Variants in MAOB observed in about 807,000 individuals in gnomAD.
The protein encoded by MAOB is monoamine oxidase B.
Under a neutral mutation model 41.9 loss-of-function variants are expected in MAOB, and 15 were observed. That is an observed-to-expected ratio of 0.36 (90% confidence interval 0.24 to 0.55). MAOB has a LOEUF of 0.55. Ranked by LOEUF, MAOB falls within the 20% of genes least tolerant of loss-of-function variation. The pLI is 0.86. For synonymous variants in MAOB, 167 were observed against 144.2 expected, an observed-to-expected ratio of 1.16 and a Z score of -1.13; for missense variants, 345 against 398.7, an observed-to-expected ratio of 0.87 and a Z score of 1.15.
intron 1 of MAOB, among the ~76,000 whole-genome samples, chrX:43,876,486 T>G (rs2035440432): frequency 9.0e-6 from 1 of 111,160 alleles, no homozygotes; most frequent in Admixed American, 9.6e-5. Context: ...ATGAAAATCA[T>G]CTGTAATTGA....
intron 1 of MAOB, among the ~76,000 whole-genome samples, chrX:43,874,507 T>C (rs1288946401): frequency 8.9e-6 from 1 of 111,801 alleles, no homozygotes; most frequent in Non-Finnish European, 1.9e-5. Context: ...ATCTTTATAG[T>C]ATAAACTGTC....
chrX:43,842,410 C>T (rs1479465089), intron 2 of MAOB, among the ~76,000 whole-genome samples: 2 of 112,278 alleles, frequency 1.8e-5, no homozygotes, highest in Non-Finnish European at 1.9e-5. Context: ...GAAAAATAAT[C>T]AGTGTTGTCA....
chrX:43,844,514 C>A (rs957390046), intron 1 of MAOB: 1 of 111,694 alleles, frequency 9.0e-6, no homozygotes, highest in Admixed American at 9.5e-5. Flanking sequence ...ACCTAGATGG[C>A]AGGTGAAGCA....
intron 12 of MAOB, among the ~76,000 whole-genome samples, chrX:43,771,992 C>T (rs912108058): frequency 8.1e-5 from 9 of 111,428 alleles, no homozygotes; most frequent in Non-Finnish European, 1.5e-4. Flanking sequence ...TGCATAATCA[C>T]GACAATCATT....
At chrX:43,858,903 C>G (rs2035314839) in intron 1 of MAOB, among the ~76,000 whole-genome samples, 1 of 111,844 alleles carries the variant, frequency 8.9e-6, no homozygotes, top group South Asian at 3.7e-4. Context: ...AAAGCCAAAA[C>G]AAGCTGGCAA....
chrX:43,829,294 C>G (rs1178298594), intron 3 of MAOB, among the ~76,000 whole-genome samples: 11 of 112,328 alleles, frequency 9.8e-5, no homozygotes, highest in Admixed American at 7.5e-4. Context: ...GGACTTTTCT[C>G]TGACTGTATG....
chrX:43,842,698 T>C (rs1469788642), intron 2 of MAOB, among the ~76,000 whole-genome samples: 1 of 112,093 alleles, frequency 8.9e-6, no homozygotes, highest in African/African-American at 3.2e-5. Flanking sequence ...GATAAATGGA[T>C]GAGGAAGACT....
chrX:43,803,445 C>A, intron 3 of MAOB, 41 bp from the exon 4 acceptor site: 1 of 1,147,442 alleles, frequency 8.7e-7, no homozygotes, highest in Non-Finnish European at 1.1e-6. Flanking sequence ...ATATTTACTA[C>A]AATGTAAAAG....
chrX:43,816,364 T>C (rs2034814911), intron 3 of MAOB, among the ~76,000 whole-genome samples: 1 of 111,991 alleles, frequency 8.9e-6, no homozygotes, highest in African/African-American at 3.2e-5. Context: ...AAAATTTACA[T>C]ACTCAGAATA....
At chrX:43,831,980 T>C (rs2035024396) in intron 3 of MAOB, among the ~76,000 whole-genome samples, 1 of 112,044 alleles carries the variant, frequency 8.9e-6, no homozygotes, top group South Asian at 3.8e-4. Flanking sequence ...ACTATGATTG[T>C]AATTCTTCCA....
intron 1 of MAOB, among the ~76,000 whole-genome samples, chrX:43,859,568 C>A (rs1328525104): frequency 9.0e-6 from 1 of 111,395 alleles, no homozygotes; most frequent in Non-Finnish European, 1.9e-5. Flanking sequence ...ATAATCAACC[C>A]GCCTATACAC....
At chrX:43,770,809 T>A (rs1269474907) in intron 12 of MAOB, among the ~76,000 whole-genome samples, 1 of 111,671 alleles carries the variant, frequency 9.0e-6, no homozygotes, top group African/African-American at 3.3e-5. Flanking sequence ...CCCTATAATA[T>A]TTAATAGTTA....
chrX:43,835,866 A>G (rs915861085), intron 3 of MAOB, among the ~76,000 whole-genome samples: 3 of 111,837 alleles, frequency 2.7e-5, no homozygotes, highest in Non-Finnish European at 5.6e-5. Flanking sequence ...ATCAACCAGT[A>G]TATCCAAGTT....
chrX:43,859,941 C>G (rs1411606375), intron 1 of MAOB, among the ~76,000 whole-genome samples: 1 of 112,244 alleles, frequency 8.9e-6, no homozygotes, highest in Non-Finnish European at 1.9e-5. Flanking sequence ...TCTACTATTT[C>G]ACTGAGACTG....
At chrX:43,837,801 G>A (rs948557768) in intron 3 of MAOB, 14 of 322,808 alleles carry the variant, frequency 4.3e-5, no homozygotes, top group Non-Finnish European at 6.0e-5. Flanking sequence ...GAAGATGAGA[G>A]AGGAAAGACT....
chrX:43,836,132 G>C (rs760895801), intron 3 of MAOB, among the ~76,000 whole-genome samples: 4 of 111,885 alleles, frequency 3.6e-5, no homozygotes, highest in African/African-American at 6.5e-5. Context: ...AGGTAATAGA[G>C]GGCAGTGTTC....
At chrX:43,773,803 C>T (rs2034217822) in intron 12 of MAOB, among the ~76,000 whole-genome samples, 1 of 111,968 alleles carries the variant, frequency 8.9e-6, no homozygotes, top group Non-Finnish European at 1.9e-5. Context: ...TCCTCCTTGC[C>T]TTTTGCCATG....
chrX:43,878,135 A>T (rs1602041113), intron 1 of MAOB, among the ~76,000 whole-genome samples: 1 of 111,901 alleles, frequency 8.9e-6, no homozygotes, highest in East Asian at 2.8e-4. Context: ...CATTTTAAAG[A>T]TGAGGCAGCT....
intron 12 of MAOB, among the ~76,000 whole-genome samples, chrX:43,770,266 G>A (rs188227204): frequency 7.7e-4 from 86 of 111,639 alleles, no homozygotes; most frequent in Admixed American, 1.1e-3. Flanking sequence ...CCACTCTGAA[G>A]GGCCATTCTA....
Sources: gnomAD v4.1 joint callset for allele counts (sites outside exome capture counted in the v4.1 genomes callset) on GRCh38, gnomAD v4.1.1 for gene constraint, MANE v1.5 for transcripts, NCBI Gene and HGNC (gene_info 2026-07-23, HGNC 2026-07-21) for gene names.